The following SPMIP3 variants were observed in gnomAD, a reference collection of about 807,000 sequenced individuals.
SPMIP3 encodes sperm microtubule inner protein 3.
chr1:244,362,580 T>A, the SPMIP3 span, among the ~76,000 whole-genome samples: 1 of 152,120 alleles, frequency 6.6e-6, no homozygotes, highest in African/African-American at 2.4e-5. Flanking sequence ...CTCGCACACA[T>A]CTTTGCCTCA....
the SPMIP3 span, among the ~76,000 whole-genome samples, chr1:244,353,271 G>A: frequency 6.6e-6 from 1 of 152,116 alleles, no homozygotes; most frequent in Admixed American, 6.6e-5. Context: ...TTGGCCAAGC[G>A]TGGCGGCTCA....
At chr1:244,380,748 G>A in the SPMIP3 span, among the ~76,000 whole-genome samples, 2 of 152,056 alleles carry the variant, frequency 1.3e-5, no homozygotes, top group Admixed American at 6.6e-5. Context: ...CTTAAAATAT[G>A]GAATGCCAAA....
At chr1:244,364,142 T>C in the SPMIP3 span, among the ~76,000 whole-genome samples, 7 of 152,010 alleles carry the variant, frequency 4.6e-5, no homozygotes, top group Admixed American at 1.3e-4. Flanking sequence ...TCTCACTCTA[T>C]GGCCCTGGCT....
At chr1:244,365,566 T>C in the SPMIP3 span, among the ~76,000 whole-genome samples, 1 of 152,116 alleles carries the variant, frequency 6.6e-6, no homozygotes, top group South Asian at 2.1e-4. Context: ...AAATACCCAG[T>C]CTCGGGTATT....
the SPMIP3 span, among the ~76,000 whole-genome samples, chr1:244,365,719 C>T: frequency 6.6e-6 from 1 of 152,148 alleles, no homozygotes; most frequent in Non-Finnish European, 1.5e-5. Context: ...ACACTCACTG[C>T]AGAATCCAAG....
chr1:244,361,091 G>A, the SPMIP3 span, among the ~76,000 whole-genome samples: 1 of 152,082 alleles, frequency 6.6e-6, no homozygotes, highest in Non-Finnish European at 1.5e-5. Flanking sequence ...AGCAGAGGCT[G>A]GGAAGGGGAG....
the SPMIP3 span, among the ~76,000 whole-genome samples, chr1:244,383,381 G>T: frequency 6.6e-6 from 1 of 152,012 alleles, no homozygotes; most frequent in East Asian, 1.9e-4. Context: ...GGGTGTAGTG[G>T]CCCCTGTGGT....
chr1:244,377,253 C>G, the SPMIP3 span, among the ~76,000 whole-genome samples: 1 of 152,126 alleles, frequency 6.6e-6, no homozygotes, highest in Non-Finnish European at 1.5e-5. Flanking sequence ...TCCCGAGTAG[C>G]TGGGACTACA....
chr1:244,359,789 C>T, the SPMIP3 span, among the ~76,000 whole-genome samples: 1 of 151,900 alleles, frequency 6.6e-6, no homozygotes, highest in Non-Finnish European at 1.5e-5. Flanking sequence ...AAAGAAGACA[C>T]ATAAATGGCT....
At chr1:244,361,827 TG>T in the SPMIP3 span, among the ~76,000 whole-genome samples, 1 of 152,190 alleles carries the variant, frequency 6.6e-6, no homozygotes, top group Non-Finnish European at 1.5e-5. Flanking sequence ...AAAGGGATAG[TG>T]GGGGCTGTCT....
the SPMIP3 span, among the ~76,000 whole-genome samples, chr1:244,354,354 A>ATTTTTTT: frequency 1.9e-5 from 2 of 107,224 alleles, no homozygotes; most frequent in African/African-American, 3.5e-5. Context: ...CCAAACTTTG[A>ATTTTTTT]TTTTTTTTTT....
the SPMIP3 span, among the ~76,000 whole-genome samples, chr1:244,370,587 G>A: frequency 7.9e-5 from 12 of 152,216 alleles, 1 homozygote; most frequent in African/African-American, 2.9e-4. Flanking sequence ...TGCAGTGAGT[G>A]CTTTTCGTTG....
chr1:244,384,138 C>A, the SPMIP3 span, among the ~76,000 whole-genome samples: 1 of 152,048 alleles, frequency 6.6e-6, no homozygotes, highest in African/African-American at 2.4e-5. Flanking sequence ...AAAGGAGGGG[C>A]AGGGTGGGGA....
the SPMIP3 span, chr1:244,378,487 T>C: frequency 1.9e-6 from 3 of 1,613,544 alleles, no homozygotes; most frequent in South Asian, 2.2e-5. Flanking sequence ...GACTTGACAA[T>C]TCCACCCAAG....
At chr1:244,378,381 TTTCCA>T in the SPMIP3 span, 1 of 1,387,042 alleles carries the variant, frequency 7.2e-7, no homozygotes, top group Non-Finnish European at 9.9e-7. Flanking sequence ...CTCACGGCCG[TTTCCA>T]GGGAATGGAT....
the SPMIP3 span, among the ~76,000 whole-genome samples, chr1:244,371,462 C>T: frequency 6.6e-6 from 1 of 152,358 alleles, no homozygotes; most frequent in East Asian, 1.9e-4. Context: ...CCTCTCTCCA[C>T]ACCCATCTCC....
chr1:244,359,437 C>G, the SPMIP3 span, among the ~76,000 whole-genome samples: 2 of 152,100 alleles, frequency 1.3e-5, no homozygotes, highest in African/African-American at 4.8e-5. Flanking sequence ...TTAAAATAGG[C>G]CAAAGGGCCA....
the SPMIP3 span, chr1:244,378,404 G>A: frequency 6.7e-7 from 1 of 1,487,834 alleles, no homozygotes; most frequent in Non-Finnish European, 9.2e-7. Flanking sequence ...GATTCCAGCT[G>A]ACGAGAAAAT....
the SPMIP3 span, chr1:244,389,331 GTA>G: frequency 2.7e-5 from 7 of 255,776 alleles, no homozygotes; most frequent in African/African-American, 1.6e-4. Flanking sequence ...TTAGGCCAAT[GTA>G]TACGCAGGAT....
Sources: allele counts gnomAD v4.1 joint callset (sites outside exome capture counted in the v4.1 genomes callset), GRCh38; gene constraint gnomAD v4.1.1; transcripts MANE v1.5; gene names NCBI Gene and HGNC (gene_info 2026-07-23, HGNC 2026-07-21).